The following TM9SF4 variants were observed in gnomAD, a reference collection of about 807,000 sequenced individuals.
TM9SF4 encodes the protein dinucleotide oxidase disulfide thiol exchanger 3 superfamily member 4.
A neutral mutation model predicts 90.4 loss-of-function variants in TM9SF4; 26 were observed. That is an observed-to-expected ratio of 0.29 (90% CI 0.21 to 0.40). The LOEUF is 0.40. Ranked by LOEUF, TM9SF4 falls within the 10% of genes least tolerant of loss-of-function variation. The pLI is 1.00. For synonymous variants in TM9SF4, 293 were observed against 315.4 expected (o/e 0.93, Z 0.75); for missense variants, 549 against 834.8 (o/e 0.66, Z 4.22).
At chr20:32,110,782 G>C (rs1600764318) in intron 1 of TM9SF4, among the ~76,000 whole-genome samples, 1 of 152,144 alleles carries the variant, frequency 6.6e-6, no homozygotes, top group African/African-American at 2.4e-5. Flanking sequence ...GCGGGCTCCT[G>C]GTGCAGAACC....
intron 17 of TM9SF4, among the ~76,000 whole-genome samples, chr20:32,163,072 C>T (rs2047040380): frequency 6.6e-6 from 1 of 151,344 alleles, no homozygotes; most frequent in Non-Finnish European, 1.5e-5. Context: ...ATGGTGAAAC[C>T]CTGTCTCTAC....
At position 32,123,866 on chromosome 20, in the gene TM9SF4, A is replaced by ATATATATTTTT; in HGVS notation, c.16-9146_16-9145insATATATTTTTT. On this transcript the variant is annotated intron_variant, in intron 1 of 17. Transcript: ENST00000398022. ...CTCTCATATATATATATATATATAT[A>ATATATATTTTT]TTTTTTTTTTTAAAGAGATAGGGTC... Among the ~76,000 whole-genome samples, 35 of 93,942 alleles carry ATATATATTTTT rather than the reference A, an allele frequency of 3.7e-4. No homozygotes were observed. In the East Asian group the frequency reaches 5.1e-3, roughly 14 times the overall value. The allele number at this position is 93,942 out of a possible 152,430, so 61.6% of individuals were successfully genotyped here. A position where few individuals can be genotyped will look rare whatever the true frequency, so the allele number is the denominator to read the frequency against.
In TM9SF4 at chr20:32,155,144, C is replaced by T. The variant is rs1235797065; in HGVS notation, c.1287C>T (p.Phe429=). Residue 429 remains phenylalanine (F), a synonymous_variant, in exon 13 of 18, where the codon TTC becomes TTT. Transcript: ENST00000398022. ...CTGGTGTGGTTTTTGGCATCTGCTTCGTATTGAATTGCTTCATTTGGGGAA... is the reference window on the plus strand; with the variant it reads ...CTGGTGTGGTTTTTGGCATCTGCTTTGTATTGAATTGCTTCATTTGGGGAA... ...LYPGVVFGIC[F]VLNCFIWGKH... 3 of 1,614,180 alleles carry T rather than the reference C, an allele frequency of 1.9e-6. No individual in the cohort carries two copies. The highest frequency in any genetic ancestry group is 1.7e-6 in the Non-Finnish European group (2 of 1,180,028).
At chr20:32,121,118 C>T (rs560236606) in intron 1 of TM9SF4, among the ~76,000 whole-genome samples, 1 of 151,610 alleles carries the variant, frequency 6.6e-6, no homozygotes, top group South Asian at 2.1e-4. Flanking sequence ...CTGGCTTTGG[C>T]ACGTGGTTTT....
intron 10 of TM9SF4, 126 bp from the exon 11 acceptor site, chr20:32,150,496 G>C: frequency 9.7e-7 from 1 of 1,029,508 alleles, no homozygotes; most frequent in South Asian, 1.4e-5. Context: ...GGGAGGGGGA[G>C]CCTCATCTGC....
At chr20:32,151,374 C>T (rs1383254882) in intron 12 of TM9SF4, among the ~76,000 whole-genome samples, 2 of 152,034 alleles carry the variant, frequency 1.3e-5, no homozygotes, top group Non-Finnish European at 2.9e-5. Flanking sequence ...CAGAAAAGCG[C>T]GTAGCAACCA....
Position 32,141,885 on chromosome 20 carries a change from A to T in TM9SF4, c.518A>T (p.Asp173Val). 1.2e-6 allele frequency: 2 copies of T among 1,614,068 alleles called. No homozygotes were observed. Among genetic ancestry groups the T allele is most frequent in the Non-Finnish European group, 8.5e-7 (1 of 1,179,998 alleles). Reference protein sequence around the residue: ...FEHGYRLGFTDVNKIYLHNHL... With the variant: ...FEHGYRLGFTVVNKIYLHNHL... ...CACGGCTACCGGCTCGGCTTCACAG[A>T]TGTCAACAAGGTAGAGTGTCTTTGG... Residue 173 changes from aspartate to valine, a missense_variant, in exon 5 of 18, where the codon GAT becomes GTT. Coordinates refer to ENST00000398022, the MANE Select transcript of TM9SF4 (RefSeq NM_014742.4).
At chr20:32,110,611 T>C (rs544472679) in intron 1 of TM9SF4, among the ~76,000 whole-genome samples, 1 of 152,268 alleles carries the variant, frequency 6.6e-6, no homozygotes, top group East Asian at 1.9e-4. Flanking sequence ...TGAAAAACAC[T>C]AATAGCCCCA....
chr20:32,123,241 CT>C lies in TM9SF4; in HGVS notation c.16-9762del, dbSNP rs1246653199. 4.9e-3 allele frequency among the ~76,000 whole-genome samples: 398 copies of C among 81,018 alleles called. 8 individuals are homozygous for C. The highest frequency in any genetic ancestry group is 0.017 in the African/African-American group (371 of 22,264). 53.2% of individuals were successfully genotyped at this position (81,018 alleles called of 152,430 possible). Reference sequence around the variant, plus strand: ...GGAGGGGGAGAGGGAGAGGGAGAGGCTTTTTTTTTTCTACGTAATAGCTTAT... The same window carrying C: ...GGAGGGGGAGAGGGAGAGGGAGAGGCTTTTTTTTTCTACGTAATAGCTTAT... On this transcript the variant is annotated intron_variant, in intron 1 of 17. Coordinates refer to ENST00000398022, the MANE Select transcript of TM9SF4 (RefSeq NM_014742.4).
chr20:32,163,208 T>C (rs2122484373), intron 17 of TM9SF4, among the ~76,000 whole-genome samples: 1 of 135,730 alleles, frequency 7.4e-6, no homozygotes, highest in Non-Finnish European at 1.5e-5. Flanking sequence ...ATCGTGCCAC[T>C]GCACTCTAGC....
At chr20:32,159,845 G>C in intron 15 of TM9SF4, 147 bp from the exon 16 acceptor site, 1 of 1,147,038 alleles carries the variant, frequency 8.7e-7, no homozygotes. Context: ...CTGCTCTGGG[G>C]AAGAGGGGCC....
At chr20:32,156,962 C>T (rs1185429910) in intron 13 of TM9SF4, among the ~76,000 whole-genome samples, 18 of 31,530 alleles carry the variant, frequency 5.7e-4, no homozygotes, top group South Asian at 8.5e-4. Flanking sequence ...TTTTTTGAGA[C>T]GAAGTCTCAC....
At chr20:32,158,573 A>C (rs2046965829) in intron 15 of TM9SF4, 59 bp downstream of exon 15, 1 of 1,565,988 alleles carries the variant, frequency 6.4e-7, no homozygotes, top group Admixed American at 1.7e-5. Flanking sequence ...CTCCCACTCC[A>C]CTCGGGTGCT....
intron 2 of TM9SF4, among the ~76,000 whole-genome samples, chr20:32,133,482 T>C (rs1251602223): frequency 6.6e-6 from 1 of 152,228 alleles, no homozygotes; most frequent in Non-Finnish European, 1.5e-5. Context: ...CTTTCTCACC[T>C]GCTCCATCTT....
At position 32,166,628 on chromosome 20, in the gene TM9SF4, C is replaced by G. The variant is rs960501889; in HGVS notation, c.*1184C>G. The G allele has an allele frequency of 1.3e-5, 2 of 152,326 alleles. No individual in the cohort carries two copies. The highest frequency in any genetic ancestry group is 2.9e-5 in the Non-Finnish European group (2 of 68,122). The allele number at this position is 152,326 out of a possible 1,614,324, so 9.4% of individuals were successfully genotyped here. A position where few individuals can be genotyped will look rare whatever the true frequency, so the allele number is the denominator to read the frequency against. On this transcript the variant is annotated 3_prime_UTR_variant, in exon 18 of 18. Coordinates refer to ENST00000398022, the MANE Select transcript of TM9SF4 (RefSeq NM_014742.4). ...TGGAAGGTAAGTTCTGTCGTTCTTTCCCCAATCCCCAGGAATGGACAAGAA... is the reference window on the plus strand; with the variant it reads ...TGGAAGGTAAGTTCTGTCGTTCTTTGCCCAATCCCCAGGAATGGACAAGAA...
In TM9SF4 at chr20:32,141,568, G is replaced by A. The variant is rs745413824; in HGVS notation, c.301G>A (p.Glu101Lys). Residue 101 changes from glutamate (E) to lysine (K), a missense_variant, in exon 4 of 18, where the codon GAA becomes AAA. Physicochemically the swap from Glu to Lys is moderately conservative, Grantham distance 56. Coordinates refer to ENST00000398022, the MANE Select transcript of TM9SF4 (RefSeq NM_014742.4). Reference protein sequence around the residue: ...QVLMNSEKKCEVLCSQSNKPV... With the variant: ...QVLMNSEKKCKVLCSQSNKPV... ...TCTCATGAACAGCGAGAAGAAGTGT[G>A]AAGTTCTGTGCAGCCAGTCCAACAA... 1 of 1,614,140 alleles carries A rather than the reference G, an allele frequency of 6.2e-7. No homozygotes were observed. The highest frequency in any genetic ancestry group is 8.5e-7 in the Non-Finnish European group (1 of 1,180,030).
At chr20:32,124,452 C>G (rs2046388891) in intron 1 of TM9SF4, among the ~76,000 whole-genome samples, 1 of 152,178 alleles carries the variant, frequency 6.6e-6, no homozygotes, top group African/African-American at 2.4e-5. Flanking sequence ...GGTGATAGAC[C>G]TCTGTTCACT....
At chr20:32,133,540 G>A (rs573299699) in intron 2 of TM9SF4, among the ~76,000 whole-genome samples, 9 of 152,110 alleles carry the variant, frequency 5.9e-5, no homozygotes, top group African/African-American at 1.4e-4. Flanking sequence ...TGCTCATATT[G>A]TTCATACATT....
intron 9 of TM9SF4, 57 bp downstream of exon 9, chr20:32,146,912 G>C: frequency 2.7e-6 from 4 of 1,494,750 alleles, no homozygotes; most frequent in Non-Finnish European, 3.7e-6. Context: ...GGAGGACCGT[G>C]TGTGTGCATA....
Sources: allele counts gnomAD v4.1 joint callset (sites outside exome capture counted in the v4.1 genomes callset), GRCh38; gene constraint gnomAD v4.1.1; transcripts MANE v1.5; gene names NCBI Gene and HGNC (gene_info 2026-07-23, HGNC 2026-07-21).